Variants in ARHGAP12 observed in about 807,000 individuals in gnomAD.
The protein encoded by ARHGAP12 is Rho GTPase activating protein 12, also known as rho GTPase-activating protein 12.
ARHGAP12 carries 64 observed loss-of-function variants against 108.6 expected under a neutral mutation model. That is an observed-to-expected ratio of 0.59 (90% CI 0.48 to 0.73). The LOEUF is 0.73. ARHGAP12 is among the 30% of genes least tolerant of loss of function. The pLI, the probability that ARHGAP12 is intolerant of heterozygous loss-of-function variation, is 0.00. For synonymous variants in ARHGAP12, 312 were observed against 337.2 expected, an observed-to-expected ratio of 0.93 and a Z score of 0.82; for missense variants, 940 against 1,005.9, an observed-to-expected ratio of 0.93 and a Z score of 0.89.
intron 3 of ARHGAP12, among the ~76,000 whole-genome samples, chr10:31,898,618 G>T (rs1019089248): frequency 2.0e-5 from 3 of 152,170 alleles, no homozygotes; most frequent in African/African-American, 7.2e-5. Flanking sequence ...ATACACAAAC[G>T]TGGTCCCATA....
chr10:31,839,280 TAAG>T (rs747419166), intron 9 of ARHGAP12, 22 bp downstream of exon 9: 27 of 1,603,816 alleles, frequency 1.7e-5, no homozygotes, highest in South Asian at 6.7e-5. Context: ...CTATGCCTAT[TAAG>T]AAGGAGAGGA....
Position 31,825,300 on chromosome 10 carries a change from T to G in ARHGAP12, c.1530+1004A>C, listed in dbSNP as rs568249307. On this transcript the variant is annotated intron_variant, in intron 11 of 19. Transcript: ENST00000344936. ...CTTAAATTTTATAAATGGACTTTTC[T>G]TTCATCAAACATAAGATCCATAGGT... 3.2e-4 allele frequency among the ~76,000 whole-genome samples: 49 copies of G among 152,278 alleles called. No homozygotes were observed. In the South Asian group the frequency reaches 9.5e-3, roughly 30 times the overall value.
chr10:31,872,530 T>C (rs1332145285), intron 3 of ARHGAP12, among the ~76,000 whole-genome samples: 3 of 152,166 alleles, frequency 2.0e-5, no homozygotes, highest in African/African-American at 4.8e-5. Context: ...TAATTCTCTA[T>C]CCTAATATAT....
chr10:31,807,517 CCCCTT>C lies in ARHGAP12; in HGVS notation c.*136_*140del, dbSNP rs1440197988. 1.5e-6 allele frequency: 1 copy of C among 665,818 alleles called. No homozygotes were observed. The highest frequency in any genetic ancestry group is 2.3e-6 in the Non-Finnish European group (1 of 425,764). The allele number at this position is 665,818 out of a possible 1,614,324, so 41.2% of individuals were successfully genotyped here. ...AGGGCCTAACACACATCTCGACTCT[CCCCTT>C]CCCTTCTGATCCCTCAAAAAAAAAG... On this transcript the variant is annotated 3_prime_UTR_variant, in exon 20 of 20. Coordinates refer to ENST00000344936, the MANE Select transcript of ARHGAP12 (RefSeq NM_018287.7).
chr10:31,858,122 G>A (rs1217366963), intron 4 of ARHGAP12, among the ~76,000 whole-genome samples: 1 of 152,086 alleles, frequency 6.6e-6, no homozygotes, highest in African/African-American at 2.4e-5. Context: ...GAGGATGGCT[G>A]AGTGCAGGAG....
At chr10:31,843,647 G>C (rs1324561292) in intron 6 of ARHGAP12, 61 bp from the exon 7 acceptor site, 4 of 1,490,156 alleles carry the variant, frequency 2.7e-6, no homozygotes, top group Non-Finnish European at 3.6e-6. Context: ...AATGAAAGTG[G>C]AATCTAAACA....
chr10:31,826,269 A>C (rs759491232), intron 11 of ARHGAP12, 35 bp downstream of exon 11: 1 of 1,526,976 alleles, frequency 6.5e-7, no homozygotes, highest in East Asian at 2.3e-5. Flanking sequence ...ACATAATTTA[A>C]ATGTATAAAA....
In ARHGAP12 at chr10:31,908,806, A is replaced by G. The variant is rs1839241851; in HGVS notation, c.50T>C (p.Ile17Thr). 1 of 1,607,180 alleles carries G rather than the reference A, an allele frequency of 6.2e-7. No homozygotes were observed. The highest frequency in any genetic ancestry group is 8.5e-7 in the Non-Finnish European group (1 of 1,179,638). Residue 17 changes from isoleucine to threonine, a missense_variant, in exon 3 of 20, where the codon ATT becomes ACT. By Grantham distance (89) the Ile-to-Thr change is moderately conservative. Coordinates refer to ENST00000344936, the MANE Select transcript of ARHGAP12 (RefSeq NM_018287.7). ...SGKIIPGQVYIEVEYDYEYEA... is the reference protein window; with the variant it reads ...SGKIIPGQVYTEVEYDYEYEA... ...ATATTCATAATCATATTCCACCTCA[A>G]TATACACTTGTCCTGGAATAATCTT...
chr10:31,839,262 G>C (rs564255924), intron 9 of ARHGAP12, 43 bp downstream of exon 9: 2 of 1,568,152 alleles, frequency 1.3e-6, no homozygotes, highest in South Asian at 2.3e-5. Context: ...CATAGAAAAT[G>C]AAGGTGTCTA....
intron 3 of ARHGAP12, among the ~76,000 whole-genome samples, chr10:31,868,250 T>C (rs112377142): frequency 3.6e-4 from 54 of 150,752 alleles, no homozygotes; most frequent in African/African-American, 1.1e-3. Context: ...AAAAAAAAAG[T>C]ATAAGGGCAA....
In ARHGAP12 at chr10:31,808,513, A is replaced by G. The variant is rs923872649; in HGVS notation, c.2366+136T>C. The G allele has an allele frequency of 4.3e-6, 3 of 690,804 alleles. No individual in the cohort carries two copies. In the East Asian group the frequency reaches 7.9e-5, roughly 18 times the overall value. The allele number at this position is 690,804 out of a possible 1,614,324, so 42.8% of individuals were successfully genotyped here. A position where few individuals can be genotyped will look rare whatever the true frequency, so the allele number is the denominator to read the frequency against. On this transcript the variant is annotated intron_variant, in intron 19 of 19. Coordinates refer to ENST00000344936, the MANE Select transcript of ARHGAP12 (RefSeq NM_018287.7). The stretch of plus-strand genomic sequence containing the variant: ...GACAGACTGATACTAAAAGGAGTTG[A>G]GTAACTTTTTCAAGTTACAAAGACA...
At chr10:31,839,611 A>AT in intron 8 of ARHGAP12, 26 bp downstream of exon 8, 1 of 1,560,106 alleles carries the variant, frequency 6.4e-7, no homozygotes, top group South Asian at 1.2e-5. Flanking sequence ...GGACTACATT[A>AT]TAAGATATGC....
At chr10:31,875,285 T>C (rs542914278) in intron 3 of ARHGAP12, among the ~76,000 whole-genome samples, 1 of 152,286 alleles carries the variant, frequency 6.6e-6, no homozygotes, top group South Asian at 2.1e-4. Context: ...AGAACACTTA[T>C]GATACCCATG....
Position 31,920,416 on chromosome 10 carries a change from C to T in ARHGAP12, c.-111+8267G>A, listed in dbSNP as rs375783145. Reference sequence around the variant, plus strand: ...AGTGAGCCAAGACTGCACCACTGCACTCCAGCCTAGGCGACAGAGTGAGAC... The same window carrying T: ...AGTGAGCCAAGACTGCACCACTGCATTCCAGCCTAGGCGACAGAGTGAGAC... On this transcript the variant is annotated intron_variant, in intron 1 of 19. Coordinates refer to ENST00000344936, the MANE Select transcript of ARHGAP12 (RefSeq NM_018287.7). 3.7e-5 allele frequency among the ~76,000 whole-genome samples: 5 copies of T among 134,782 alleles called. No individual in the cohort carries two copies. In the East Asian group the frequency reaches 6.2e-4, roughly 17 times the overall value. 88.4% of individuals were successfully genotyped at this position (134,782 alleles called of 152,430 possible).
chr10:31,839,205 T>C, intron 9 of ARHGAP12, 100 bp downstream of exon 9: 1 of 1,264,696 alleles, frequency 7.9e-7, no homozygotes, highest in Non-Finnish European at 1.1e-6. Flanking sequence ...TTAAGCTATA[T>C]TATTTCCAAT....
At chr10:31,895,080 C>T (rs541631099) in intron 3 of ARHGAP12, among the ~76,000 whole-genome samples, 6 of 152,158 alleles carry the variant, frequency 3.9e-5, no homozygotes, top group Admixed American at 3.9e-4. Context: ...CTTCCTTATA[C>T]CTTACACAAA....
intron 3 of ARHGAP12, among the ~76,000 whole-genome samples, chr10:31,902,090 AAAG>A (rs1838951026): frequency 6.6e-6 from 1 of 152,194 alleles, no homozygotes. Context: ...CAATTCTGAA[AAAG>A]AAGAATAAAG....
chr10:31,832,273 T>C (rs548602972), intron 9 of ARHGAP12, among the ~76,000 whole-genome samples: 1 of 152,322 alleles, frequency 6.6e-6, no homozygotes, highest in Admixed American at 6.5e-5. Context: ...CTGTATTTAA[T>C]AAATTACTAA....
At chr10:31,844,174 T>A (rs1438656894) in intron 6 of ARHGAP12, among the ~76,000 whole-genome samples, 2 of 152,180 alleles carry the variant, frequency 1.3e-5, no homozygotes, top group Non-Finnish European at 2.9e-5. Context: ...CTTCTCCCCT[T>A]TGATTACATC....
Sources: allele counts gnomAD v4.1 joint callset (sites outside exome capture counted in the v4.1 genomes callset), GRCh38; gene constraint gnomAD v4.1.1; transcripts MANE v1.5; gene names NCBI Gene and HGNC (gene_info 2026-07-23, HGNC 2026-07-21).